Variants in SPAG1 observed in about 807,000 individuals in gnomAD.
SPAG1 encodes the protein sperm-associated antigen 1.
SPAG1 carries 69 observed loss-of-function variants against 100.5 expected under a neutral mutation model. The ratio of observed to expected loss-of-function variants is 0.69; its 90% CI spans 0.57 to 0.84. The LOEUF (loss-of-function observed/expected upper bound fraction) is 0.84, where lower values mean the gene tolerates loss of function less well. SPAG1 is among the 40% of genes least tolerant of loss of function. SPAG1 has a pLI of 0.00. For synonymous variants in SPAG1, 336 were observed against 411.6 expected, an observed-to-expected ratio of 0.82 and a Z score of 2.22; for missense variants, 955 against 1,133.1, an observed-to-expected ratio of 0.84 and a Z score of 2.26.
chr8:100,213,791 A>C (rs746885803), intron 11 of SPAG1, 28 bp from the exon 12 acceptor site: 1 of 1,360,112 alleles, frequency 7.4e-7, no homozygotes, highest in Non-Finnish European at 1.0e-6. Context: ...ATGGATTTTA[A>C]CTGTATTTAA....
chr8:100,165,293 G>T, intron 2 of SPAG1: 1 of 517,646 alleles, frequency 1.9e-6, no homozygotes, highest in South Asian at 1.4e-5. Context: ...ATTTCCAGCA[G>T]GTCTGTGCAG....
chr8:100,174,558 T>C (rs190886000), intron 3 of SPAG1, among the ~76,000 whole-genome samples: 155 of 152,338 alleles, frequency 1.0e-3, no homozygotes, highest in Non-Finnish European at 1.8e-3. Flanking sequence ...CTAAAAATGT[T>C]ACTATATGGT....
intron 4 of SPAG1, 75 bp downstream of exon 4, chr8:100,178,016 T>C: frequency 7.9e-7 from 1 of 1,270,884 alleles, no homozygotes; most frequent in Non-Finnish European, 1.1e-6. Flanking sequence ...AATCTCAGTT[T>C]AATTGGAGCA....
At chr8:100,172,756 ATTTTAT>A (rs958022308) in intron 3 of SPAG1, among the ~76,000 whole-genome samples, 16 of 151,074 alleles carry the variant, frequency 1.1e-4, no homozygotes, top group African/African-American at 3.4e-4. Context: ...GGTTTACTTT[ATTTTAT>A]TTATATTTTT....
chr8:100,189,815 T>G (rs1303437053), intron 8 of SPAG1, among the ~76,000 whole-genome samples: 2 of 152,200 alleles, frequency 1.3e-5, no homozygotes, highest in African/African-American at 2.4e-5. Flanking sequence ...GAATATTTCT[T>G]CATAGAAATT....
Position 100,240,662 on chromosome 8 carries a change from G to A in SPAG1, c.2540G>A (p.Gly847Glu). 2 of 1,614,054 alleles carry A rather than the reference G, an allele frequency of 1.2e-6. No homozygotes were observed. Among genetic ancestry groups the A allele is most frequent in the Non-Finnish European group, 1.7e-6 (2 of 1,180,004 alleles). ...LPMFLSNKLEGDTFLLLIQSL... is the reference protein window; with the variant it reads ...LPMFLSNKLEEDTFLLLIQSL... ...ATGTTTTTAAGTAACAAACTTGAAGGGGATACATTCCTTCTCCTCATTCAG... is the reference window on the plus strand; with the variant it reads ...ATGTTTTTAAGTAACAAACTTGAAGAGGATACATTCCTTCTCCTCATTCAG... Residue 847 changes from glycine to glutamate, a missense_variant, in exon 18 of 19, where the codon GGG becomes GAG. Gly to Glu is a moderately conservative substitution (Grantham distance 98). Coordinates refer to ENST00000388798, the MANE Select transcript of SPAG1 (RefSeq NM_003114.5).
chr8:100,218,576 T>C (rs554982519), intron 12 of SPAG1, among the ~76,000 whole-genome samples: 34 of 152,366 alleles, frequency 2.2e-4, no homozygotes, highest in Admixed American at 1.8e-3. Context: ...GTTTACTTGA[T>C]TTTAATTTTA....
rs1816937052 is a variant in SPAG1, at chr8:100,194,285, A to C, written c.1096+17A>C. ...GAGATAAGAGTAAAATATTTTTTCTATTTAGGTTATGTAAAAAGCTGCCTT... is the reference window on the plus strand; with the variant it reads ...GAGATAAGAGTAAAATATTTTTTCTCTTTAGGTTATGTAAAAAGCTGCCTT... On this transcript the variant is annotated intron_variant, in intron 10 of 18. Transcript: ENST00000388798. 1.2e-6 allele frequency: 2 copies of C among 1,602,386 alleles called. No homozygotes were observed. Among genetic ancestry groups the C allele is most frequent in the Non-Finnish European group, 1.7e-6 (2 of 1,172,654 alleles).
chr8:100,191,865 G>C (rs1418658422), intron 9 of SPAG1, among the ~76,000 whole-genome samples: 1 of 152,086 alleles, frequency 6.6e-6, no homozygotes, highest in Non-Finnish European at 1.5e-5. Context: ...AATGAGCATG[G>C]TAGCATTTGC....
At chr8:100,223,909 A>G (rs1173863035) in intron 13 of SPAG1, among the ~76,000 whole-genome samples, 4 of 152,084 alleles carry the variant, frequency 2.6e-5, no homozygotes, top group African/African-American at 9.7e-5. Context: ...AGTTTAAGAA[A>G]CTGTAGGGAA....
chr8:100,201,451 A>C (rs981772653), intron 10 of SPAG1, among the ~76,000 whole-genome samples: 1 of 152,006 alleles, frequency 6.6e-6, no homozygotes, highest in Non-Finnish European at 1.5e-5. Flanking sequence ...TAAGATTTTT[A>C]TGATTTTAGC....
chr8:100,239,502 G>A lies in SPAG1; in HGVS notation c.2280+98G>A, dbSNP rs1323503427. On this transcript the variant is annotated intron_variant, in intron 17 of 18. Coordinates refer to ENST00000388798, the MANE Select transcript of SPAG1 (RefSeq NM_003114.5). This position sits in a 1 kb window ranked among gnomAD's most constrained non-coding sequence, Gnocchi z 5.0. ...TGAGTTCTAAAACATTTTTAATTTT[G>A]TGTTTTTATTCTGATGATCAGTGAC... is the stretch of plus-strand genomic sequence containing the variant. 5 of 809,668 alleles carry A rather than the reference G, an allele frequency of 6.2e-6. No homozygotes were observed. The East Asian group carries it at 1.1e-4, about 17-fold the overall frequency. The allele number at this position is 809,668 out of a possible 1,614,324, so 50.2% of individuals were successfully genotyped here. A position where few individuals can be genotyped will look rare whatever the true frequency, so the allele number is the denominator to read the frequency against.
At position 100,213,079 on chromosome 8, in the gene SPAG1, C is replaced by A; in HGVS notation, c.1097-11C>A. On this transcript the variant is annotated splice_polypyrimidine_tract_variant and intron_variant, in intron 10 of 18. Transcript: ENST00000388798. The stretch of plus-strand genomic sequence containing the variant: ...TGCAAACCCTCACTTCCCGCATCCA[C>A]TTCCTCACAGAGCCCGCGGAGCCGG... 1 of 1,460,106 alleles carries A rather than the reference C, an allele frequency of 6.8e-7. No individual in the cohort carries two copies. Among genetic ancestry groups the A allele is most frequent in the Admixed American group, 2.6e-5 (1 of 38,292 alleles). 90.4% of individuals were successfully genotyped at this position (1,460,106 alleles called of 1,614,324 possible).
At chr8:100,223,854 G>A (rs1818387559) in intron 13 of SPAG1, among the ~76,000 whole-genome samples, 1 of 151,652 alleles carries the variant, frequency 6.6e-6, no homozygotes, top group African/African-American at 2.4e-5. Flanking sequence ...TTACATTAAA[G>A]CATAAGATTC....
At chr8:100,160,883 A>G (rs977912424) in intron 1 of SPAG1, among the ~76,000 whole-genome samples, 16 of 152,204 alleles carry the variant, frequency 1.1e-4, no homozygotes, top group African/African-American at 3.6e-4. Flanking sequence ...CTTCTCTGTC[A>G]TTGTATTCCA....
chr8:100,208,536 A>G lies in SPAG1; in HGVS notation c.1097-4554A>G, dbSNP rs556313029. On this transcript the variant is annotated intron_variant, in intron 10 of 18. Coordinates refer to ENST00000388798, the MANE Select transcript of SPAG1 (RefSeq NM_003114.5). Reference sequence around the variant, plus strand: ...CTTGCTGAAGGCAAAGGGAATATAGAATGGGTAGTAGAAGAAGGTAGTCAT... The same window carrying G: ...CTTGCTGAAGGCAAAGGGAATATAGGATGGGTAGTAGAAGAAGGTAGTCAT... Among the ~76,000 whole-genome samples, 63 of 152,346 alleles carry G rather than the reference A, an allele frequency of 4.1e-4. 2 individuals are homozygous for G. The South Asian group carries it at 0.012, about 30-fold the overall frequency.
intron 4 of SPAG1, among the ~76,000 whole-genome samples, chr8:100,178,796 T>C (rs1033172964): frequency 2.0e-5 from 3 of 152,166 alleles, no homozygotes; most frequent in African/African-American, 7.2e-5. Flanking sequence ...ATCAGTGAAA[T>C]TGTATTTATT....
intron 2 of SPAG1, chr8:100,165,306 T>G: frequency 2.0e-6 from 1 of 511,820 alleles, no homozygotes; most frequent in Non-Finnish European, 4.0e-6. Context: ...CTGTGCAGGA[T>G]TTTTTCCTAT....
At chr8:100,179,469 G>T (rs1816273783) in intron 4 of SPAG1, among the ~76,000 whole-genome samples, 1 of 152,184 alleles carries the variant, frequency 6.6e-6, no homozygotes, top group African/African-American at 2.4e-5. Context: ...TGCTGAAGGA[G>T]CAATGGGGTG....
Sources: gnomAD v4.1 joint callset for allele counts (sites outside exome capture counted in the v4.1 genomes callset) on GRCh38, gnomAD v4.1.1 for gene constraint, Gnocchi (gnomAD v3.1) non-coding constraint, MANE v1.5 for transcripts, NCBI Gene and HGNC (gene_info 2026-07-23, HGNC 2026-07-21) for gene names.